CCNB3: variants seen among roughly 807,000 people sequenced by gnomAD.
CCNB3 encodes G2/mitotic-specific cyclin-B3.
CCNB3 carries 12 observed loss-of-function variants against 68.0 expected under a neutral mutation model. That is an observed-to-expected ratio of 0.18 (90% CI 0.11 to 0.29). CCNB3 has a LOEUF of 0.29. Among genes scored for constraint, CCNB3 ranks in the 10% least tolerant of loss-of-function variants. CCNB3 has a pLI of 1.00. For missense variants in CCNB3, 904 were observed against 993.1 expected, an observed-to-expected ratio of 0.91 and a Z score of 1.21; for synonymous variants, 354 against 388.9, an observed-to-expected ratio of 0.91 and a Z score of 1.06.
intron 1 of CCNB3, among the ~76,000 whole-genome samples, chrX:50,225,668 T>C (rs1935742592): frequency 9.2e-6 from 1 of 108,898 alleles, no homozygotes; most frequent in African/African-American, 3.3e-5. Context: ...TAAACAAAGG[T>C]GATGGAAAAA....
At chrX:50,345,183 C>T (rs185309069) in intron 9 of CCNB3, among the ~76,000 whole-genome samples, 1 of 108,345 alleles carries the variant, frequency 9.2e-6, no homozygotes, top group Admixed American at 9.9e-5. Flanking sequence ...TGTTGCCCCT[C>T]ACTCACCTGC....
At chrX:50,208,313 G>A (rs1342010353) in intron 1 of CCNB3, among the ~76,000 whole-genome samples, 15 of 112,236 alleles carry the variant, frequency 1.3e-4, no homozygotes, top group African/African-American at 4.9e-4. Flanking sequence ...GCCAACCTTT[G>A]TAAGCAGGAT....
intron 1 of CCNB3, among the ~76,000 whole-genome samples, chrX:50,279,565 A>G (rs1426759936): frequency 1.1e-5 from 1 of 86,992 alleles, no homozygotes; most frequent in East Asian, 3.4e-4. Context: ...ATATGAATAT[A>G]TATTTTCTAT....
chrX:50,294,452 A>C (rs1404315121), intron 4 of CCNB3, among the ~76,000 whole-genome samples: 1 of 111,421 alleles, frequency 9.0e-6, no homozygotes, highest in Admixed American at 9.6e-5. Flanking sequence ...CTGAAGAGGC[A>C]CACCCAGACA....
intron 5 of CCNB3, among the ~76,000 whole-genome samples, chrX:50,297,562 G>A (rs1174695453): frequency 4.5e-4 from 50 of 112,133 alleles, no homozygotes; most frequent in East Asian, 8.4e-4. Flanking sequence ...GTCAGGTAGC[G>A]TGATGCCTCC....
rs1569542878 is a variant in CCNB3 at position 50,309,663 on chromosome X, G to A, written c.1494G>A (p.Gln498=). 3 of 1,210,227 alleles carry A rather than the reference G, an allele frequency of 2.5e-6. No homozygotes were observed. The highest frequency in any genetic ancestry group is 3.4e-6 in the Non-Finnish European group (3 of 894,904). ...PLILKRKHAT[Q]GTMSHLKKPL... ...TTTTAAAGAGGAAGCATGCCACTCA[G>A]GGGACAATGTCCCACTTGAAGAAAC... The change falls in exon 6 of 13, where the codon CAG becomes CAA. Residue 498 remains glutamine, a synonymous_variant. Transcript: ENST00000376042.
rs1280988622 is a variant in CCNB3, at chrX:50,310,147, G to A, written c.1978G>A (p.Ala660Thr). ...AGTGTCCCTCTCAAAAGAGTCATTG[G>A]CCATCCAAGAGAAGGCTACCACTGA... is the stretch of plus-strand genomic sequence containing the variant. ...QEVSLSKESL[A>T]IQEKATTEEE... is the part of the protein sequence containing the mutation. The change falls in exon 6 of 13, where the codon GCC (alanine) becomes ACC (threonine). Residue 660 changes from alanine (A) to threonine (T), a missense_variant. Transcript: ENST00000376042. 4.1e-6 allele frequency: 5 copies of A among 1,210,713 alleles called. No homozygotes were observed. In the Admixed American group the frequency reaches 6.5e-5, roughly 16 times the overall value.
At chrX:50,333,342 C>T (rs1434885107) in intron 8 of CCNB3, among the ~76,000 whole-genome samples, 1 of 111,669 alleles carries the variant, frequency 9.0e-6, no homozygotes, top group Admixed American at 9.5e-5. Context: ...CACGAACCAG[C>T]AAGTACCTAT....
At chrX:50,323,512 C>T (rs1218414258) in intron 8 of CCNB3, among the ~76,000 whole-genome samples, 1 of 111,045 alleles carries the variant, frequency 9.0e-6, no homozygotes, top group Non-Finnish European at 1.9e-5. Context: ...CACATGTATA[C>T]ATATGTAACA....
chrX:50,217,438 A>G (rs1935594809), intron 1 of CCNB3, among the ~76,000 whole-genome samples: 2 of 108,674 alleles, frequency 1.8e-5, no homozygotes, highest in African/African-American at 6.7e-5. Flanking sequence ...ACGTCCGGCT[A>G]ATTTTTTGTA....
chrX:50,226,823 TA>T (rs2146997054), intron 1 of CCNB3, among the ~76,000 whole-genome samples: 1 of 75,338 alleles, frequency 1.3e-5, no homozygotes, highest in African/African-American at 5.6e-5. Context: ...TATATAAATA[TA>T]TACATGAATA....
At chrX:50,220,569 T>C (rs1935652460) in intron 1 of CCNB3, among the ~76,000 whole-genome samples, 1 of 112,157 alleles carries the variant, frequency 8.9e-6, no homozygotes, top group African/African-American at 3.2e-5. Flanking sequence ...ATGGATTACG[T>C]TTATTGATTT....
chrX:50,324,298 C>T (rs73495653), intron 8 of CCNB3, among the ~76,000 whole-genome samples: 5,695 of 111,865 alleles, frequency 0.051, 332 homozygotes, highest in African/African-American at 0.17. Context: ...CCACCCTCTT[C>T]GACCTCCCAA....
chrX:50,280,174 T>TATATATATAAATATATATAGAAC (rs1471622224), intron 1 of CCNB3, among the ~76,000 whole-genome samples: 6 of 87,493 alleles, frequency 6.9e-5, no homozygotes, highest in Non-Finnish European at 1.1e-4. Context: ...ATATATAGAA[T>TATATATATAAATATATATAGAAC]ATATATATAA....
chrX:50,205,257 C>T (rs1935336457), intron 1 of CCNB3, among the ~76,000 whole-genome samples: 1 of 111,574 alleles, frequency 9.0e-6, no homozygotes, highest in Admixed American at 9.4e-5. Context: ...GCTTGACCAC[C>T]ATGGCGAAAC....
At chrX:50,323,922 T>A in intron 8 of CCNB3, among the ~76,000 whole-genome samples, 1 of 112,685 alleles carries the variant, frequency 8.9e-6, no homozygotes, top group Non-Finnish European at 1.9e-5. Context: ...GTGCCATTTT[T>A]GTGTGTGATT....
At chrX:50,224,265 A>C (rs2146989564) in intron 1 of CCNB3, among the ~76,000 whole-genome samples, 1 of 111,238 alleles carries the variant, frequency 9.0e-6, no homozygotes, top group East Asian at 2.8e-4. Flanking sequence ...TTCATGTAAA[A>C]GTAAGGTAGA....
Position 50,310,494 on chromosome X carries a change from G to A in CCNB3, c.2325G>A (p.Glu775=). 3 of 1,209,935 alleles carry A rather than the reference G, an allele frequency of 2.5e-6. No individual in the cohort carries two copies. Among genetic ancestry groups the A allele is most frequent in the Non-Finnish European group, 3.4e-6 (3 of 894,473 alleles). The part of the protein sequence containing the change: ...QLALNETINE[E]EFLNKQPLAL... The stretch of plus-strand genomic sequence containing the variant: ...CTTTGAATGAGACCATCAATGAAGA[G>A]GAGTTCCTTAATAAGCAGCCACTGG... Residue 775 remains glutamate, a synonymous_variant, in exon 6 of 13, where the codon GAG becomes GAA. Coordinates refer to ENST00000376042, the MANE Select transcript of CCNB3 (RefSeq NM_033031.3).
At chrX:50,216,297 C>G (rs1935571660) in intron 1 of CCNB3, among the ~76,000 whole-genome samples, 1 of 107,208 alleles carries the variant, frequency 9.3e-6, no homozygotes, top group East Asian at 2.9e-4. Flanking sequence ...GAGACAGAGT[C>G]TCACTCTGTT....
Sources: gnomAD v4.1 joint callset for allele counts (sites outside exome capture counted in the v4.1 genomes callset) on GRCh38, gnomAD v4.1.1 for gene constraint, MANE v1.5 for transcripts, NCBI Gene and HGNC (gene_info 2026-07-23, HGNC 2026-07-21) for gene names.